The following PPIE variants were observed in gnomAD, a reference collection of about 807,000 sequenced individuals.
PPIE encodes peptidylprolyl isomerase E, also known as peptidyl-prolyl cis-trans isomerase E.
PPIE carries 20 observed loss-of-function variants against 38.4 expected under a neutral mutation model. The observed-to-expected ratio is 0.52, with a 90% CI of 0.37 to 0.76. PPIE has a LOEUF of 0.76. PPIE is among the 30% of genes least tolerant of loss of function. PPIE has a pLI of 0.00. For missense variants in PPIE, 322 were observed against 385.8 expected (o/e 0.83, Z 1.39); for synonymous variants, 142 against 135.7 (o/e 1.05, Z -0.32).
At position 39,755,398 on chromosome 1, in the gene PPIE, G is replaced by T; in HGVS notation, c.*2043G>T. 1 of 985,466 alleles carries T rather than the reference G, an allele frequency of 1.0e-6. No homozygotes were observed. The highest frequency in any genetic ancestry group is 1.2e-6 in the Non-Finnish European group (1 of 829,934). The allele number at this position is 985,466 out of a possible 1,614,324, so 61.0% of individuals were successfully genotyped here. A position where few individuals can be genotyped will look rare whatever the true frequency, so the allele number is the denominator to read the frequency against. On this transcript the variant is annotated 3_prime_UTR_variant, in exon 10 of 10. Transcript: ENST00000324379. ...CGACTGGACTTTGTGAGCTCCAGCTGCTACAGTTGACTGAGTTCAGGCTCC... is the reference window on the plus strand; with the variant it reads ...CGACTGGACTTTGTGAGCTCCAGCTTCTACAGTTGACTGAGTTCAGGCTCC...
intron 5 of PPIE, among the ~76,000 whole-genome samples, 182 bp from the exon 6 acceptor site, chr1:39,743,642 C>T (rs1459012983): frequency 2.0e-5 from 3 of 152,210 alleles, no homozygotes; most frequent in Non-Finnish European, 4.4e-5. Context: ...CTTAGCCCTA[C>T]TGAGAGCTGG....
chr1:39,751,936 G>A (rs997312842), intron 8 of PPIE, among the ~76,000 whole-genome samples: 3 of 151,948 alleles, frequency 2.0e-5, no homozygotes, highest in African/African-American at 7.3e-5. Flanking sequence ...TATATCTACT[G>A]AAAAAAGAAT....
downstream of PPIE, among the ~76,000 whole-genome samples, chr1:39,757,013 G>A (rs933934833): frequency 6.6e-6 from 1 of 152,202 alleles, no homozygotes; most frequent in Non-Finnish European, 1.5e-5. Flanking sequence ...CTCTCAGCAG[G>A]ACATGGGATC....
chr1:39,742,036 A>G, intron 4 of PPIE, 115 bp downstream of exon 4: 1 of 1,050,790 alleles, frequency 9.5e-7, no homozygotes, highest in East Asian at 2.5e-5. Context: ...GGGGAGGTAA[A>G]AATTCTCACA....
chr1:39,761,747 CCTT>C (rs763345309), downstream of PPIE, among the ~76,000 whole-genome samples: 14 of 152,318 alleles, frequency 9.2e-5, no homozygotes, highest in Non-Finnish European at 1.9e-4. Flanking sequence ...CTGGCCCCCT[CCTT>C]CTGTGGAGAG....
At chr1:39,749,126 G>T in intron 8 of PPIE, 38 bp downstream of exon 8, 1 of 1,545,894 alleles carries the variant, frequency 6.5e-7, no homozygotes, top group South Asian at 1.3e-5. Context: ...AGGGAGGCTG[G>T]GCAAGGGTGG....
At chr1:39,743,439 G>A in intron 5 of PPIE, 142 bp downstream of exon 5, 3 of 702,738 alleles carry the variant, frequency 4.3e-6, no homozygotes, top group Admixed American at 2.5e-5. Context: ...CATTGGGAAG[G>A]GCATGCACCA....
At chr1:39,741,057 C>T (rs1423680351) in intron 2 of PPIE, among the ~76,000 whole-genome samples, 1 of 152,138 alleles carries the variant, frequency 6.6e-6, no homozygotes, top group Admixed American at 6.5e-5. Flanking sequence ...GGTCAAATGA[C>T]TTTATTTTTC....
chr1:39,753,607 CT>C lies in PPIE; in HGVS notation c.*253del. On this transcript the variant is annotated 3_prime_UTR_variant, in exon 10 of 10. Transcript: ENST00000324379. The stretch of plus-strand genomic sequence containing the variant: ...CATGGGCAGGCTGTGCAAAAAGCCA[CT>C]GGCTTTTCTCAGCATTTGCTGCTGG... The C allele has an allele frequency of 7.4e-7, 1 of 1,344,858 alleles. No individual in the cohort carries two copies. 83.3% of individuals were successfully genotyped at this position (1,344,858 alleles called of 1,614,324 possible).
chr1:39,738,898 A>C lies in PPIE; in HGVS notation c.-3A>C. The C allele has an allele frequency of 6.6e-7, 1 of 1,514,272 alleles. No individual in the cohort carries two copies. The allele number at this position is 1,514,272 out of a possible 1,614,324, so 93.8% of individuals were successfully genotyped here. ...GCTTCCGGCGGAAAAGCGCGCGAGC[A>C]AGATGGCCACCACCAAGCGCGTCTT... On this transcript the variant is annotated 5_prime_UTR_variant, in exon 1 of 10. Coordinates refer to ENST00000324379, the MANE Select transcript of PPIE (RefSeq NM_006112.4).
In PPIE at chr1:39,741,882, CT is replaced by C. The variant is rs879084046; in HGVS notation, c.175-10del. 1.9e-6 allele frequency: 3 copies of C among 1,614,232 alleles called. No homozygotes were observed. The highest frequency in any genetic ancestry group is 2.5e-6 in the Non-Finnish European group (3 of 1,180,018). On this transcript the variant is annotated splice_polypyrimidine_tract_variant and intron_variant, in intron 3 of 9. Coordinates refer to ENST00000324379, the MANE Select transcript of PPIE (RefSeq NM_006112.4). The stretch of plus-strand genomic sequence containing the variant: ...TGCAAGCCTAAACTTGTACCTTTGT[CT>C]TTCCTTGGCAGGATGCTGCAGCAGC...
chr1:39,752,217 A>G (rs1159489354), intron 8 of PPIE, among the ~76,000 whole-genome samples: 1 of 152,094 alleles, frequency 6.6e-6, no homozygotes, highest in Non-Finnish European at 1.5e-5. Context: ...TCTCTGAGTT[A>G]AGTTTGTGCA....
At chr1:39,759,198 C>G (rs1365965781), downstream of PPIE, 1 of 152,328 alleles carries the variant, frequency 6.6e-6, no homozygotes, top group East Asian at 1.9e-4. Flanking sequence ...CCTCTCCACC[C>G]AACTCAGCCT....
At chr1:39,762,350 G>A (rs556801459) in intron 9 of PPIE, 72 of 885,692 alleles carry the variant, frequency 8.1e-5, no homozygotes, top group Middle Eastern at 7.2e-4. Context: ...AGGCATCACC[G>A]TTGAACCTCC....
chr1:39,760,484 T>A, downstream of PPIE: 1 of 1,614,170 alleles, frequency 6.2e-7, no homozygotes, highest in Non-Finnish European at 8.5e-7. Context: ...TTGTTGCTGC[T>A]GTCATAGTAG....
chr1:39,746,919 A>G (rs1408291137), intron 7 of PPIE: 1 of 152,186 alleles, frequency 6.6e-6, no homozygotes, highest in African/African-American at 2.4e-5. Context: ...GAATCATCCT[A>G]AACAAAACCA....
intron 8 of PPIE, among the ~76,000 whole-genome samples, chr1:39,750,311 C>T (rs929895927): frequency 3.3e-5 from 5 of 152,158 alleles, no homozygotes; most frequent in African/African-American, 1.2e-4. Flanking sequence ...AGTCCCATCT[C>T]GCCATTGAAA....
rs966227661 is a variant in PPIE at position 39,754,185 on chromosome 1, T to C, written c.*830T>C. On this transcript the variant is annotated 3_prime_UTR_variant, in exon 10 of 10. Coordinates refer to ENST00000324379, the MANE Select transcript of PPIE (RefSeq NM_006112.4). ...CAGCCACGTCCATTTATTTACATAT[T>C]GTCCATGGTGGTTTCTTACTGCAGT... 6 of 683,776 alleles carry C rather than the reference T, an allele frequency of 8.8e-6. No homozygotes were observed. Among genetic ancestry groups the C allele is most frequent in the African/African-American group, 5.9e-5 (3 of 51,180 alleles). 42.4% of individuals were successfully genotyped at this position (683,776 alleles called of 1,614,324 possible).
intron 7 of PPIE, chr1:39,746,872 GTGTT>G (rs1190920998): frequency 6.6e-6 from 1 of 152,148 alleles, no homozygotes; most frequent in Non-Finnish European, 1.5e-5. Flanking sequence ...CCACTTTAAA[GTGTT>G]TGTTAGCAGT....
Sources: gnomAD v4.1 joint callset for allele counts (sites outside exome capture counted in the v4.1 genomes callset) on GRCh38, gnomAD v4.1.1 for gene constraint, MANE v1.5 for transcripts, NCBI Gene and HGNC (gene_info 2026-07-23, HGNC 2026-07-21) for gene names.